Variants in SPATA13 observed in about 807,000 individuals in gnomAD.
SPATA13 encodes spermatogenesis associated 13.
A neutral mutation model predicts 104.0 loss-of-function variants in SPATA13; 50 were observed. That is an observed-to-expected ratio of 0.48 (90% CI 0.38 to 0.61). SPATA13 has a LOEUF of 0.61. Among genes scored for constraint, SPATA13 ranks in the 20% least tolerant of loss-of-function variants. The pLI, the probability that SPATA13 is intolerant of heterozygous loss-of-function variation, is 0.00. For synonymous variants in SPATA13, 606 were observed against 667.5 expected, an observed-to-expected ratio of 0.91 and a Z score of 1.42; for missense variants, 1,524 against 1,690.6, an observed-to-expected ratio of 0.90 and a Z score of 1.73.
intron 2 of SPATA13, among the ~76,000 whole-genome samples, chr13:24,006,090 C>T (rs950679195): frequency 5.9e-5 from 9 of 152,204 alleles, no homozygotes; most frequent in African/African-American, 1.9e-4. Context: ...CCAGTGTGAG[C>T]TGCAGAGGAG....
intron 3 of SPATA13, among the ~76,000 whole-genome samples, chr13:24,089,159 G>A (rs1879834183): frequency 6.6e-6 from 1 of 152,182 alleles, no homozygotes; most frequent in African/African-American, 2.4e-5. Flanking sequence ...GCACACGTAG[G>A]AAGAGTTTCT....
Position 24,249,898 on chromosome 13 carries a change from C to T in SPATA13, c.2019+56C>T, listed in dbSNP as rs970144938. The T allele has an allele frequency of 3.9e-6, 6 of 1,529,110 alleles. No homozygotes were observed. The African/African-American group carries it at 5.5e-5, about 14-fold the overall frequency. The allele number at this position is 1,529,110 out of a possible 1,614,324, so 94.7% of individuals were successfully genotyped here. ...GCAGAGGCCCTCCAGCTTCCTGCCT[C>T]TATTCTGTCTGCACACTAAACTGGA... On this transcript the variant is annotated intron_variant, in intron 3 of 12. Transcript: ENST00000382108.
chr13:24,028,667 C>G (rs1171030859), intron 3 of SPATA13, among the ~76,000 whole-genome samples: 1 of 152,150 alleles, frequency 6.6e-6, no homozygotes, highest in Non-Finnish European at 1.5e-5. Context: ...CTAATTGCCT[C>G]TCTTTTATTC....
At chr13:24,254,649 C>A (rs1873690525) in intron 4 of SPATA13, among the ~76,000 whole-genome samples, 1 of 152,098 alleles carries the variant, frequency 6.6e-6, no homozygotes, top group African/African-American at 2.4e-5. Context: ...AAATCACCAC[C>A]CCCTCTATTA....
At chr13:24,213,142 G>C (rs569532225) in intron 1 of SPATA13, among the ~76,000 whole-genome samples, 1 of 152,362 alleles carries the variant, frequency 6.6e-6, no homozygotes, top group South Asian at 2.1e-4. Flanking sequence ...GTGACTGCTT[G>C]TATTAAGGAA....
intron 4 of SPATA13, chr13:24,271,021 A>ACT (rs35776484): frequency 0.16 from 97,525 of 598,820 alleles, 2,221 homozygotes; most frequent in Middle Eastern, 0.22. Flanking sequence ...ACTCTCTCTC[A>ACT]CTCTCTCTCT....
rs999489271 is a variant in SPATA13, at chr13:24,005,993, C to T, written c.-146-11674C>T. ...AATTGCTCTGTTTGGACCCATGCTT[C>T]GGGATAGGAGACATCCCCTGAGAAG... On this transcript the variant is annotated intron_variant, in intron 2 of 14. Coordinates refer to the SPATA13 transcript ENST00000424834. Among the ~76,000 whole-genome samples, 10 of 152,320 alleles carry T rather than the reference C, an allele frequency of 6.6e-5. No individual in the cohort carries two copies. In the East Asian group the frequency reaches 1.4e-3, roughly 21 times the overall value.
chr13:24,038,370 A>G (rs923303149), intron 3 of SPATA13, among the ~76,000 whole-genome samples: 3 of 152,014 alleles, frequency 2.0e-5, no homozygotes, highest in Non-Finnish European at 1.5e-5. Flanking sequence ...CTATGTTTAC[A>G]TTGGAGTCCC....
chr13:24,252,008 A>G, intron 4 of SPATA13, 146 bp downstream of exon 4: 1 of 1,019,922 alleles, frequency 9.8e-7, no homozygotes, highest in East Asian at 2.7e-5. Context: ...TCATCTCAGG[A>G]GAATGGTGCA....
intron 4 of SPATA13, among the ~76,000 whole-genome samples, chr13:24,252,457 A>G (rs1377136255): frequency 6.6e-6 from 1 of 152,228 alleles, no homozygotes; most frequent in African/African-American, 2.4e-5. Flanking sequence ...ACTGGGGGTT[A>G]GGACTTCACC....
In SPATA13 at chr13:24,011,475, G is replaced by T. The variant is rs367857862; in HGVS notation, c.-146-6192G>T. On this transcript the variant is annotated intron_variant, in intron 2 of 14. Transcript: ENST00000424834. The surrounding 1 kb of genome is among the most constrained non-coding windows in gnomAD (Gnocchi z 4.3). ...GCAGCAGGTGGTTGAGAGTGTCCCT[G>T]CTGGTGAGGACAGAACCTGGAATTC... Among the ~76,000 whole-genome samples the T allele has an allele frequency of 3.3e-4, 51 of 152,314 alleles. No homozygotes were observed. The highest frequency in any genetic ancestry group is 1.2e-3 in the African/African-American group (48 of 41,572).
rs201165555 is a variant in SPATA13, at chr13:24,056,907, C to CT, written c.-112+39221dup. ...GACAGGGCAAGGGGAAATGGAACTT[C>CT]TTTTTTTTTTTTTTTCAATGAATGG... On this transcript the variant is annotated intron_variant, in intron 3 of 14. Transcript: ENST00000424834. Among the ~76,000 whole-genome samples, 379 of 133,168 alleles carry CT rather than the reference C, an allele frequency of 2.8e-3. 1 individual carries two copies. The highest frequency in any genetic ancestry group is 6.0e-3 in the African/African-American group (218 of 36,300). 87.4% of individuals were successfully genotyped at this position (133,168 alleles called of 152,430 possible).
intron 2 of SPATA13, among the ~76,000 whole-genome samples, chr13:24,005,725 C>CA (rs1337245474): frequency 2.6e-5 from 4 of 152,136 alleles, no homozygotes; most frequent in Non-Finnish European, 5.9e-5. Flanking sequence ...TGTAGAGGGG[C>CA]ATTTTCTGAG....
intron 1 of SPATA13, among the ~76,000 whole-genome samples, chr13:23,980,238 G>T (rs1331047000): frequency 6.6e-6 from 1 of 152,176 alleles, no homozygotes; most frequent in Non-Finnish European, 1.5e-5. Context: ...CTCAAGGGGT[G>T]AGCGCATAGG....
chr13:24,114,358 T>TGTGTGCTTGCATGTGTGCACATGCGC (rs1880756672), intron 3 of SPATA13, among the ~76,000 whole-genome samples: 2 of 148,710 alleles, frequency 1.3e-5, no homozygotes, highest in African/African-American at 2.4e-5. Context: ...AGTGTGCACG[T>TGTGTGCTTGCATGTGTGCACATGCGC]GTGTGCCTGC....
intron 3 of SPATA13, among the ~76,000 whole-genome samples, chr13:24,039,882 C>T (rs1363437690): frequency 6.6e-6 from 1 of 152,198 alleles, no homozygotes; most frequent in Non-Finnish European, 1.5e-5. Flanking sequence ...GCACCGTCCC[C>T]ACCAAAGACA....
intron 2 of SPATA13, among the ~76,000 whole-genome samples, chr13:24,003,150 C>T (rs1266594120): frequency 1.3e-5 from 2 of 152,032 alleles, no homozygotes; most frequent in Non-Finnish European, 2.9e-5. Flanking sequence ...GCATTTTCCC[C>T]ACGCTGGTCT....
chr13:24,036,865 T>C (rs1877702029), intron 3 of SPATA13, among the ~76,000 whole-genome samples: 1 of 152,066 alleles, frequency 6.6e-6, no homozygotes, highest in Non-Finnish European at 1.5e-5. Context: ...AACCTCCACC[T>C]CCTGGGTTCA....
At chr13:24,176,661 G>A (rs1323923136) in intron 1 of SPATA13, among the ~76,000 whole-genome samples, 1 of 152,070 alleles carries the variant, frequency 6.6e-6, no homozygotes, top group Non-Finnish European at 1.5e-5. Flanking sequence ...CTGTTTCATT[G>A]AATTTACTGT....
Sources: gnomAD v4.1 joint callset for allele counts (sites outside exome capture counted in the v4.1 genomes callset) on GRCh38, gnomAD v4.1.1 for gene constraint, Gnocchi (gnomAD v3.1) non-coding constraint, MANE v1.5 for transcripts, NCBI Gene and HGNC (gene_info 2026-07-23, HGNC 2026-07-21) for gene names.